Variants in PPP2R2B observed in about 807,000 individuals in gnomAD.
The protein encoded by PPP2R2B is protein phosphatase 2 regulatory subunit Bbeta.
In PPP2R2B, 5 loss-of-function variants were observed where a neutral mutation model predicts 46.0. That is an observed-to-expected ratio of 0.11 (90% CI 0.06 to 0.23). The LOEUF is 0.23. PPP2R2B is among the 10% of genes least tolerant of loss of function. The pLI is 1.00. For missense variants in PPP2R2B, 367 were observed against 575.0 expected (o/e 0.64, Z 3.70); for synonymous variants, 215 against 206.7 (o/e 1.04, Z -0.34).
At chr5:146,596,102 G>C (rs1771143688) in intron 8 of PPP2R2B, among the ~76,000 whole-genome samples, 2 of 152,202 alleles carry the variant, frequency 1.3e-5, no homozygotes, top group South Asian at 4.1e-4. Context: ...CATTGTGCAT[G>C]GAAGCAGCCA....
At chr5:146,658,711 A>T (rs1277332122) in intron 5 of PPP2R2B, among the ~76,000 whole-genome samples, 1 of 152,236 alleles carries the variant, frequency 6.6e-6, no homozygotes, top group Non-Finnish European at 1.5e-5. Context: ...AGAAAGATAT[A>T]GAAGATGTAC....
At chr5:146,593,672 G>A (rs1013519535) in intron 8 of PPP2R2B, among the ~76,000 whole-genome samples, 3 of 152,170 alleles carry the variant, frequency 2.0e-5, no homozygotes, top group Non-Finnish European at 4.4e-5. Context: ...CCACAGTGAT[G>A]TCTGGGTTTG....
rs193221846 is a variant in PPP2R2B at position 146,596,029 on chromosome 5, C to T, written c.961-2967G>A. Reference sequence around the variant, plus strand: ...TTGACAAACTTTTTCTCCAAAGGGCCGGATAGTAAATATTTTAAGCTCTGT... The same window carrying T: ...TTGACAAACTTTTTCTCCAAAGGGCTGGATAGTAAATATTTTAAGCTCTGT... On this transcript the variant is annotated intron_variant, in intron 8 of 9. Coordinates refer to ENST00000394411, the MANE Select transcript of PPP2R2B (RefSeq NM_181675.4). 2.7e-3 allele frequency among the ~76,000 whole-genome samples: 405 copies of T among 152,144 alleles called. 6 individuals carry two copies. The South Asian group carries it at 0.029, about 11-fold the overall frequency.
At chr5:147,059,059 G>C (rs369002134), upstream of PPP2R2B, among the ~76,000 whole-genome samples, 173 of 152,198 alleles carry the variant, frequency 1.1e-3, no homozygotes, top group African/African-American at 4.1e-3. Context: ...TTCCAAATAC[G>C]CTTGTCCTAA....
At chr5:147,055,728 G>A (rs771933823) in exon 1 of PPP2R2B, 54 of 1,613,096 alleles carry the variant, frequency 3.3e-5, no homozygotes, top group Non-Finnish European at 4.2e-5. Context: ...GGCAGGTAAC[G>A]AGAGAAGCAT....
chr5:146,733,416 C>T (rs114685524), intron 2 of PPP2R2B, among the ~76,000 whole-genome samples: 3,870 of 152,176 alleles, frequency 0.025, 48 homozygotes, highest in African/African-American at 0.034. Flanking sequence ...CTACCCTTGG[C>T]CCATATTTTA....
At chr5:147,041,426 T>C (rs1465502950) in intron 1 of PPP2R2B, among the ~76,000 whole-genome samples, 1 of 152,170 alleles carries the variant, frequency 6.6e-6, no homozygotes, top group Admixed American at 6.5e-5. Flanking sequence ...CTTAGAGAAT[T>C]GGGCATTATA....
intron 5 of PPP2R2B, among the ~76,000 whole-genome samples, chr5:146,681,133 G>A (rs1778143397): frequency 6.6e-6 from 1 of 152,142 alleles, no homozygotes; most frequent in African/African-American, 2.4e-5. Flanking sequence ...TATTGAGTTG[G>A]ATTCCAAATC....
At chr5:146,665,488 G>A (rs957328569) in intron 5 of PPP2R2B, among the ~76,000 whole-genome samples, 22 of 152,334 alleles carry the variant, frequency 1.4e-4, no homozygotes, top group East Asian at 3.9e-4. Context: ...CCTTGCTCTA[G>A]GTTAGACTTC....
chr5:146,650,505 T>C (rs764033257), intron 6 of PPP2R2B, 42 bp downstream of exon 6: 1 of 1,575,824 alleles, frequency 6.3e-7, no homozygotes, highest in Non-Finnish European at 8.7e-7. Flanking sequence ...CTGAATACTC[T>C]TAATTCAGGC....
intron 1 of PPP2R2B, among the ~76,000 whole-genome samples, chr5:146,917,366 G>A (rs928713480): frequency 6.6e-6 from 1 of 152,082 alleles, no homozygotes; most frequent in Non-Finnish European, 1.5e-5. Context: ...TACCCTCCTC[G>A]ACTGCCATTA....
chr5:146,928,199 A>G (rs1240895352), intron 1 of PPP2R2B, among the ~76,000 whole-genome samples: 1 of 152,022 alleles, frequency 6.6e-6, no homozygotes, highest in East Asian at 1.9e-4. Context: ...GAACCTTTGC[A>G]CTTATTCCTT....
At chr5:146,689,254 G>C (rs896637498) in intron 5 of PPP2R2B, among the ~76,000 whole-genome samples, 1 of 152,154 alleles carries the variant, frequency 6.6e-6, no homozygotes, top group East Asian at 1.9e-4. Context: ...CCAGGAAGCA[G>C]TGACTATCAT....
intron 2 of PPP2R2B, among the ~76,000 whole-genome samples, chr5:146,815,173 C>T (rs777673819): frequency 1.4e-4 from 22 of 152,182 alleles, no homozygotes; most frequent in Admixed American, 1.3e-4. Flanking sequence ...GGGGGAAATC[C>T]AATGCTTCCA....
chr5:146,649,945 GTATAAT>G (rs1775844249), intron 6 of PPP2R2B, among the ~76,000 whole-genome samples: 1 of 152,164 alleles, frequency 6.6e-6, no homozygotes, highest in Admixed American at 6.5e-5. Flanking sequence ...TCATCAAACT[GTATAAT>G]TATAATATGT....
intron 5 of PPP2R2B, among the ~76,000 whole-genome samples, chr5:146,677,961 A>G (rs1777859771): frequency 6.6e-6 from 1 of 152,202 alleles, no homozygotes; most frequent in South Asian, 2.1e-4. Flanking sequence ...GATTAATGTT[A>G]GGTTAGACAG....
intron 7 of PPP2R2B, among the ~76,000 whole-genome samples, chr5:146,609,472 T>A (rs1020021634): frequency 6.6e-6 from 1 of 152,202 alleles, no homozygotes; most frequent in Admixed American, 6.5e-5. Flanking sequence ...CAAAAAACTA[T>A]TAGAACTGGA....
At chr5:147,023,920 G>T (rs963562847) in intron 1 of PPP2R2B, among the ~76,000 whole-genome samples, 1 of 152,024 alleles carries the variant, frequency 6.6e-6, no homozygotes, top group African/African-American at 2.4e-5. Context: ...CAAAACTCCA[G>T]GTTCTTGCGT....
intron 1 of PPP2R2B, among the ~76,000 whole-genome samples, chr5:147,026,260 T>C (rs1755523055): frequency 6.6e-6 from 1 of 152,112 alleles, no homozygotes; most frequent in Admixed American, 6.5e-5. Context: ...GTACGGTATA[T>C]CCATACAATG....
Sources: allele counts gnomAD v4.1 joint callset (sites outside exome capture counted in the v4.1 genomes callset), GRCh38; gene constraint gnomAD v4.1.1; transcripts MANE v1.5; gene names NCBI Gene and HGNC (gene_info 2026-07-23, HGNC 2026-07-21).